CADPS: variants seen among roughly 807,000 people sequenced by gnomAD.
The protein encoded by CADPS is calcium dependent secretion activator.
In CADPS, 57 loss-of-function variants were observed where a neutral mutation model predicts 167.3. The ratio of observed to expected loss-of-function variants is 0.34; its 90% CI spans 0.28 to 0.42. The LOEUF (loss-of-function observed/expected upper bound fraction) is 0.42. CADPS is among the 20% of genes least tolerant of loss of function. The pLI is 1.00. For missense variants in CADPS, 1,414 were observed against 1,738.1 expected (o/e 0.81, Z 3.32); for synonymous variants, 676 against 635.3 (o/e 1.06, Z -0.96).
rs183782312 is a variant in CADPS, at chr3:62,710,274, T to C, written c.888+43167A>G. Among the ~76,000 whole-genome samples the C allele has an allele frequency of 1.6e-3, 245 of 149,532 alleles. 1 individual carries two copies. In the Middle Eastern group the frequency reaches 0.021, roughly 13 times the overall value. ...ATCCTGGATGCACGCTGGCCTCAAC[T>C]GGGGTGGGGGAGGGGCAGGTGTTTT... On this transcript the variant is annotated intron_variant, in intron 3 of 29. Coordinates refer to ENST00000383710, the MANE Select transcript of CADPS (RefSeq NM_003716.4).
chr3:62,564,607 CT>C (rs11351162), intron 9 of CADPS, among the ~76,000 whole-genome samples: 92,811 of 127,286 alleles, frequency 0.73, 33,660 homozygotes, highest in East Asian at 0.96. Flanking sequence ...AACCAGAAAT[CT>C]TTTTTTTTTT....
intron 17 of CADPS, among the ~76,000 whole-genome samples, chr3:62,505,788 A>G (rs528194537): frequency 6.6e-5 from 10 of 152,232 alleles, no homozygotes; most frequent in African/African-American, 2.4e-4. Flanking sequence ...AATTATATAC[A>G]TTTGTCTATC....
chr3:62,634,145 A>C, intron 6 of CADPS, among the ~76,000 whole-genome samples: 1 of 152,206 alleles, frequency 6.6e-6, no homozygotes, highest in East Asian at 1.9e-4. Context: ...TATTTCATTT[A>C]ATATGATGAA....
At chr3:62,620,753 C>G (rs2063053166) in intron 6 of CADPS, among the ~76,000 whole-genome samples, 1 of 152,108 alleles carries the variant, frequency 6.6e-6, no homozygotes, top group African/African-American at 2.4e-5. Context: ...AATGCAGCAC[C>G]CTTTGAAACC....
intron 13 of CADPS, among the ~76,000 whole-genome samples, chr3:62,527,417 T>C (rs1293015614): frequency 6.7e-6 from 1 of 149,004 alleles, no homozygotes; most frequent in African/African-American, 2.4e-5. Flanking sequence ...ATCAAAAATA[T>C]CTCCAGATAT....
rs200844222 is a variant in CADPS, at chr3:62,650,915, T to C, written c.1135A>G (p.Ile379Val). ...TTCTCACTCTCCTCGCCCATGTCGA[T>C]GATGGAAGCATTGTGGCTGCGTTTG... Reference protein sequence around the residue: ...KLKRSHNASIIDMGEESENQL... With the variant: ...KLKRSHNASIVDMGEESENQL... The change falls in exon 5 of 30, where the codon ATC becomes GTC. Residue 379 changes from isoleucine to valine, a missense_variant. By Grantham distance (29) the Ile-to-Val change is conservative. Around this residue, in one of 6 missense-constraint regions of CADPS, gnomAD observed 522 missense variants for 559.5 expected, o/e 0.93. Coordinates refer to ENST00000383710, the MANE Select transcript of CADPS (RefSeq NM_003716.4). 2.5e-6 allele frequency: 4 copies of C among 1,614,112 alleles called. No homozygotes were observed. The highest frequency in any genetic ancestry group is 4.5e-5 in the East Asian group (2 of 44,868).
intron 1 of CADPS, among the ~76,000 whole-genome samples, chr3:62,845,581 T>C (rs548228561): frequency 9.9e-4 from 151 of 152,208 alleles, no homozygotes; most frequent in Admixed American, 2.2e-3. Context: ...ATTTGGAGGA[T>C]TTGGATTAAA....
At chr3:62,811,320 C>T (rs2094384350) in intron 1 of CADPS, among the ~76,000 whole-genome samples, 1 of 152,122 alleles carries the variant, frequency 6.6e-6, no homozygotes, top group South Asian at 2.1e-4. Context: ...AGCCAACATT[C>T]TCCTGCACTC....
At chr3:62,859,502 G>A (rs2080354377) in intron 1 of CADPS, among the ~76,000 whole-genome samples, 1 of 152,146 alleles carries the variant, frequency 6.6e-6, no homozygotes, top group Non-Finnish European at 1.5e-5. Flanking sequence ...ATCTACAATT[G>A]TCTAGAACTG....
At chr3:62,820,214 C>A (rs1441138663) in intron 1 of CADPS, among the ~76,000 whole-genome samples, 1 of 152,206 alleles carries the variant, frequency 6.6e-6, no homozygotes, top group Non-Finnish European at 1.5e-5. Context: ...ATTTGGTACA[C>A]TGGGCTCAAT....
chr3:62,848,327 T>C (rs1255300666), intron 1 of CADPS, among the ~76,000 whole-genome samples: 2 of 82,602 alleles, frequency 2.4e-5, no homozygotes, highest in African/African-American at 1.2e-4. Context: ...CCATTGCTTT[T>C]GGTGTTTTGG....
At chr3:62,583,402 T>C (rs2083884629) in intron 8 of CADPS, among the ~76,000 whole-genome samples, 4 of 152,142 alleles carry the variant, frequency 2.6e-5, no homozygotes, top group Non-Finnish European at 1.5e-5. Flanking sequence ...TCAGAATATA[T>C]ACCAGGAGCA....
intron 21 of CADPS, among the ~76,000 whole-genome samples, chr3:62,483,616 T>A (rs35994225): frequency 0.094 from 14,248 of 152,140 alleles, 850 homozygotes; most frequent in East Asian, 0.27. Flanking sequence ...ATTATACATC[T>A]CTACTTGGAA....
rs6762164 is a variant in CADPS at position 62,398,639 on chromosome 3, A to C, written c.*767T>G. Reference sequence around the variant, plus strand: ...GTCTAGGGTTGTAATTTAAATATTCATTTTTTTTACATACACAGTTGAGAC... The same window carrying C: ...GTCTAGGGTTGTAATTTAAATATTCCTTTTTTTTACATACACAGTTGAGAC... On this transcript the variant is annotated 3_prime_UTR_variant, in exon 30 of 30. Coordinates refer to ENST00000383710, the MANE Select transcript of CADPS (RefSeq NM_003716.4). 2 of 152,596 alleles carry C rather than the reference A, an allele frequency of 1.3e-5. No individual in the cohort carries two copies. Among genetic ancestry groups the C allele is most frequent in the Non-Finnish European group, 2.9e-5 (2 of 68,046 alleles). The allele number at this position is 152,596 out of a possible 1,614,324, so 9.5% of individuals were successfully genotyped here.
intron 3 of CADPS, among the ~76,000 whole-genome samples, chr3:62,752,914 G>A (rs867126053): frequency 1.6e-4 from 24 of 152,292 alleles, no homozygotes; most frequent in African/African-American, 5.3e-4. Flanking sequence ...CCCATTTTGG[G>A]GTGGACCCAA....
chr3:62,790,735 A>G (rs17201984), intron 1 of CADPS, among the ~76,000 whole-genome samples: 26,427 of 152,166 alleles, frequency 0.17, 2,661 homozygotes, highest in Middle Eastern at 0.3. Flanking sequence ...TCCTTGCTCT[A>G]TTGACAACGA....
intron 2 of CADPS, among the ~76,000 whole-genome samples, chr3:62,763,477 A>G (rs2086058438): frequency 6.6e-6 from 1 of 152,202 alleles, no homozygotes; most frequent in Admixed American, 6.5e-5. Context: ...TTTTAAGTTA[A>G]TTGAGGAAAT....
At chr3:62,634,648 C>T (rs777614063) in intron 6 of CADPS, among the ~76,000 whole-genome samples, 3 of 152,144 alleles carry the variant, frequency 2.0e-5, no homozygotes, top group Non-Finnish European at 1.5e-5. Context: ...TTTGAAATAA[C>T]ACTTGACTAT....
chr3:62,437,920 C>G (rs895329662), intron 28 of CADPS, among the ~76,000 whole-genome samples, 184 bp downstream of exon 28: 1 of 152,058 alleles, frequency 6.6e-6, no homozygotes, highest in Admixed American at 6.5e-5. Context: ...CACTGCCACA[C>G]CAGAGTGGGT....
Sources: allele counts gnomAD v4.1 joint callset (sites outside exome capture counted in the v4.1 genomes callset), GRCh38; gene constraint gnomAD v4.1.1; regional missense constraint gnomAD v4.1.1; transcripts MANE v1.5; gene names NCBI Gene and HGNC (gene_info 2026-07-23, HGNC 2026-07-21).